CHST8: variants seen among roughly 807,000 people sequenced by gnomAD.
CHST8 encodes GALNAC-4-ST1.
In CHST8, 10 loss-of-function variants were observed where a neutral mutation model predicts 15.0. The observed-to-expected ratio is 0.67, with a 90% CI of 0.41 to 1.13. The LOEUF is 1.13. Ranked by LOEUF, CHST8 falls within the 50% of genes most tolerant of loss-of-function variation. The probability of loss-of-function intolerance (pLI) is 0.00; values close to 1 mark genes in which losing one functional copy is unlikely to be tolerated. For missense variants in CHST8, 634 were observed against 608.2 expected (o/e 1.04, Z -0.45); for synonymous variants, 259 against 256.6 (o/e 1.01, Z -0.09).
chr19:33,688,502 A>T (rs866065476), intron 2 of CHST8, among the ~76,000 whole-genome samples: 1 of 152,168 alleles, frequency 6.6e-6, no homozygotes, highest in East Asian at 1.9e-4. Context: ...GGCCTCGAGC[A>T]CAGGGACTCC....
intron 3 of CHST8, among the ~76,000 whole-genome samples, chr19:33,763,394 C>T (rs913104102): frequency 6.6e-6 from 1 of 152,174 alleles, no homozygotes; most frequent in Non-Finnish European, 1.5e-5. Flanking sequence ...TGCAGCTCTC[C>T]AGTGTGTCTG....
chr19:33,717,542 C>T (rs966581593), intron 3 of CHST8, among the ~76,000 whole-genome samples: 1 of 152,050 alleles, frequency 6.6e-6, no homozygotes, highest in Non-Finnish European at 1.5e-5. Flanking sequence ...GGGCTGCTAC[C>T]TTTATGCGTT....
At chr19:33,734,567 G>T (rs1454865344) in intron 3 of CHST8, among the ~76,000 whole-genome samples, 1 of 152,164 alleles carries the variant, frequency 6.6e-6, no homozygotes, top group Non-Finnish European at 1.5e-5. Flanking sequence ...GAATGGGGTG[G>T]CAGCTCACTG....
At chr19:33,673,793 G>A (rs1452980280) in intron 2 of CHST8, among the ~76,000 whole-genome samples, 1 of 151,942 alleles carries the variant, frequency 6.6e-6, no homozygotes, top group Non-Finnish European at 1.5e-5. Flanking sequence ...TCCCTCTGCC[G>A]CCCAGGCTGA....
Position 33,772,052 on chromosome 19 carries a change from C to A in CHST8, c.264C>A (p.Asn88Lys), listed in dbSNP as rs1205171394. 1 of 1,612,284 alleles carries A rather than the reference C, an allele frequency of 6.2e-7. No homozygotes were observed. The change falls in exon 5 of 5, where the codon AAC (asparagine) becomes AAA (lysine). Residue 88 changes from asparagine (N) to lysine (K), a missense_variant. Physicochemically the swap from Asn to Lys is moderately conservative, Grantham distance 94. Coordinates refer to ENST00000650847, the MANE Select transcript of CHST8 (RefSeq NM_001127895.2). ...CCAGTGGGGCCCCGAGGGGCCGCAA[C>A]CTGCCAGCGCCTGACCAGCCTCAAC... ...DLSSGAPRGR[N>K]LPAPDQPQPP...
At chr19:33,764,043 G>A (rs560612433) in intron 3 of CHST8, among the ~76,000 whole-genome samples, 1 of 152,326 alleles carries the variant, frequency 6.6e-6, no homozygotes, top group African/African-American at 2.4e-5. Flanking sequence ...CAGGGGGCTG[G>A]CACCTGCTGC....
At chr19:33,676,822 A>T (rs112736589) in intron 2 of CHST8, among the ~76,000 whole-genome samples, 2,629 of 151,940 alleles carry the variant, frequency 0.017, 35 homozygotes, top group African/African-American at 0.041. Context: ...GGCTGCAGCG[A>T]GCCATGATCA....
intron 3 of CHST8, among the ~76,000 whole-genome samples, chr19:33,693,753 T>G (rs1973143976): frequency 6.6e-6 from 1 of 151,994 alleles, no homozygotes; most frequent in African/African-American, 2.4e-5. Context: ...TTTGGATTGG[T>G]TTTTGTTTTC....
chr19:33,665,789 G>A (rs1013116225), intron 1 of CHST8, among the ~76,000 whole-genome samples: 1 of 152,214 alleles, frequency 6.6e-6, no homozygotes, highest in African/African-American at 2.4e-5. Context: ...GGATGGGCAG[G>A]CCTTCCTCAA....
chr19:33,634,581 G>A (rs1600227063), intron 1 of CHST8, among the ~76,000 whole-genome samples: 1 of 150,020 alleles, frequency 6.7e-6, no homozygotes, highest in African/African-American at 2.5e-5. Context: ...GGTCAGAGAT[G>A]CAGGTGCTGA....
intron 2 of CHST8, among the ~76,000 whole-genome samples, chr19:33,678,927 T>G (rs960009732): frequency 6.6e-6 from 1 of 152,202 alleles, no homozygotes; most frequent in African/African-American, 2.4e-5. Flanking sequence ...GTTGTCCTTT[T>G]ACTAGCTTCT....
chr19:33,641,985 A>T (rs1014219994), intron 1 of CHST8, among the ~76,000 whole-genome samples: 3 of 152,200 alleles, frequency 2.0e-5, no homozygotes, highest in Admixed American at 2.0e-4. Flanking sequence ...GGCCTGAAGA[A>T]TTTGGAGTCC....
intron 3 of CHST8, among the ~76,000 whole-genome samples, chr19:33,703,756 G>C (rs796918628): frequency 6.6e-6 from 1 of 152,234 alleles, no homozygotes; most frequent in Non-Finnish European, 1.5e-5. Flanking sequence ...ACCATTATAT[G>C]CCTGCTGATG....
At chr19:33,698,679 C>A (rs980869471) in intron 3 of CHST8, among the ~76,000 whole-genome samples, 2 of 151,632 alleles carry the variant, frequency 1.3e-5, no homozygotes, top group South Asian at 4.2e-4. Context: ...GGGGAGAGGT[C>A]GGGGCAATGG....
chr19:33,729,417 A>G (rs1285560522), intron 3 of CHST8, among the ~76,000 whole-genome samples: 1 of 152,242 alleles, frequency 6.6e-6, no homozygotes, highest in Non-Finnish European at 1.5e-5. Context: ...GGGAAATGAG[A>G]CAGAAGTCAC....
In CHST8 at chr19:33,706,583, G is replaced by A. The variant is rs149891075; in HGVS notation, c.130+17192G>A. On this transcript the variant is annotated intron_variant, in intron 3 of 4. Transcript: ENST00000650847. ...GGCCCCACAGAGTGAGTTGTCTGTC[G>A]GTTGTCAGCCACAGGATTGGGTGAC... Among the ~76,000 whole-genome samples, 804 of 152,252 alleles carry A rather than the reference G, an allele frequency of 5.3e-3. 5 individuals carry two copies. The highest frequency in any genetic ancestry group is 0.019 in the African/African-American group (773 of 41,538).
At chr19:33,625,743 T>C (rs62102233) in intron 1 of CHST8, among the ~76,000 whole-genome samples, 69,352 of 151,738 alleles carry the variant, frequency 0.46, 16,273 homozygotes, top group Middle Eastern at 0.57. Context: ...TCACCTGTAG[T>C]CCCAGCTACT....
At position 33,772,553 on chromosome 19, in the gene CHST8, C is replaced by G; in HGVS notation, c.765C>G (p.Leu255=). 1.2e-6 allele frequency: 2 copies of G among 1,614,098 alleles called. No homozygotes were observed. The highest frequency in any genetic ancestry group is 1.7e-6 in the Non-Finnish European group (2 of 1,180,038). ...GTCTCAGCACCTACACCAAGATGCT[C>G]TTTGTCCGCGAGCCCTTCGAGAGGC... ...LHRLSTYTKM[L]FVREPFERLV... Residue 255 remains leucine, a synonymous_variant, in exon 5 of 5, where the codon CTC becomes CTG. Transcript: ENST00000650847.
In CHST8 at chr19:33,672,596, G is replaced by A. The variant is rs867180243; in HGVS notation, c.-87+4753G>A. Among the ~76,000 whole-genome samples the A allele has an allele frequency of 5.3e-5, 8 of 152,304 alleles. No individual in the cohort carries two copies. The East Asian group carries it at 1.2e-3, about 22-fold the overall frequency. ...ATGTGTTTGCGATGGGGGAAGATGC[G>A]GAGAAACAGGAAGAAAAGCTGGGCA... On this transcript the variant is annotated intron_variant, in intron 2 of 4. Transcript: ENST00000650847.
Sources: allele counts gnomAD v4.1 joint callset (sites outside exome capture counted in the v4.1 genomes callset), GRCh38; gene constraint gnomAD v4.1.1; transcripts MANE v1.5; gene names NCBI Gene and HGNC (gene_info 2026-07-23, HGNC 2026-07-21).